Variants in ZDHHC14 observed in about 807,000 individuals in gnomAD.
ZDHHC14 encodes the protein palmitoyltransferase ZDHHC14.
A neutral mutation model predicts 47.7 loss-of-function variants in ZDHHC14; 16 were observed. The ratio of observed to expected loss-of-function variants is 0.34; its 90% CI spans 0.23 to 0.51. ZDHHC14 has a LOEUF of 0.51. Ranked by LOEUF, ZDHHC14 falls within the 20% of genes least tolerant of loss-of-function variation. The probability of loss-of-function intolerance (pLI) is 0.97; values close to 1 mark genes in which losing one functional copy is unlikely to be tolerated. For synonymous variants in ZDHHC14, 293 were observed against 278.9 expected (o/e 1.05, Z -0.50); for missense variants, 515 against 662.5 (o/e 0.78, Z 2.44).
At chr6:157,515,218 G>A (rs908863014) in intron 1 of ZDHHC14, among the ~76,000 whole-genome samples, 13 of 152,062 alleles carry the variant, frequency 8.5e-5, no homozygotes, top group Non-Finnish European at 2.9e-5. Flanking sequence ...GCATATCGCT[G>A]GTGACCAGAA....
chr6:157,639,659 A>G (rs957980201), intron 5 of ZDHHC14, among the ~76,000 whole-genome samples: 16 of 152,260 alleles, frequency 1.1e-4, no homozygotes, highest in African/African-American at 3.4e-4. Flanking sequence ...TTGCAGAGGA[A>G]AGGCCCCCAC....
In ZDHHC14 at chr6:157,579,329, C is replaced by T. The variant is rs932129319; in HGVS notation, c.407-13659C>T. ...TCTCCTGCCTCAGCCTCCGAAGCAG[C>T]TGGGACTACAGGTGCCTGCCACCAC... is the stretch of plus-strand genomic sequence containing the variant. On this transcript the variant is annotated intron_variant, in intron 2 of 8. Transcript: ENST00000359775. Among the ~76,000 whole-genome samples, 3 of 151,084 alleles carry T rather than the reference C, an allele frequency of 2.0e-5. No individual in the cohort carries two copies. In the Admixed American group the frequency reaches 2.0e-4, roughly 10 times the overall value.
chr6:157,422,602 T>C (rs184198958), intron 1 of ZDHHC14, among the ~76,000 whole-genome samples: 83 of 152,248 alleles, frequency 5.5e-4, no homozygotes, highest in African/African-American at 1.8e-3. Context: ...CATGGGCACT[T>C]GCTATGTGGC....
At chr6:157,670,755 T>TC (rs144615401) in intron 8 of ZDHHC14, among the ~76,000 whole-genome samples, 5,096 of 152,266 alleles carry the variant, frequency 0.033, 303 homozygotes, top group African/African-American at 0.12. Context: ...GCAAGGATCT[T>TC]CGTGAGACTT....
intron 1 of ZDHHC14, among the ~76,000 whole-genome samples, chr6:157,424,570 C>T (rs563749267): frequency 2.6e-5 from 4 of 152,248 alleles, no homozygotes; most frequent in African/African-American, 4.8e-5. Context: ...AGAGAGCAAA[C>T]GTGGTGCTTC....
chr6:157,638,732 T>C (rs1284038742), intron 5 of ZDHHC14, among the ~76,000 whole-genome samples: 1 of 152,224 alleles, frequency 6.6e-6, no homozygotes, highest in African/African-American at 2.4e-5. Flanking sequence ...TGCCCAGATC[T>C]GGGTTCTCAC....
At chr6:157,438,735 A>C (rs1010763212) in intron 1 of ZDHHC14, among the ~76,000 whole-genome samples, 2 of 152,236 alleles carry the variant, frequency 1.3e-5, no homozygotes, top group African/African-American at 4.8e-5. Context: ...TTGAAATCCG[A>C]AAGTCTGGAT....
chr6:157,622,089 C>A (rs1289219106), intron 3 of ZDHHC14, among the ~76,000 whole-genome samples: 1 of 151,874 alleles, frequency 6.6e-6, no homozygotes, highest in African/African-American at 2.4e-5. Flanking sequence ...ATATTCTTTT[C>A]GGCTGGGCAT....
chr6:157,472,831 C>T (rs1423081478), intron 1 of ZDHHC14, among the ~76,000 whole-genome samples: 1 of 152,128 alleles, frequency 6.6e-6, no homozygotes, highest in Non-Finnish European at 1.5e-5. Context: ...ATTTATTGAG[C>T]GAGGTGCAGA....
chr6:157,453,307 G>A (rs1399069998), intron 1 of ZDHHC14, among the ~76,000 whole-genome samples: 1 of 151,920 alleles, frequency 6.6e-6, no homozygotes, highest in Non-Finnish European at 1.5e-5. Context: ...CGAATGACAG[G>A]GTATCAATAC....
intron 7 of ZDHHC14, among the ~76,000 whole-genome samples, chr6:157,651,678 C>T (rs1359667435): frequency 2.6e-5 from 4 of 152,282 alleles, no homozygotes; most frequent in Non-Finnish European, 5.9e-5. Flanking sequence ...AAGTGATTCT[C>T]CTGCCTCAGC....
At chr6:157,616,490 C>A (rs1784968143) in intron 3 of ZDHHC14, among the ~76,000 whole-genome samples, 1 of 152,092 alleles carries the variant, frequency 6.6e-6, no homozygotes, top group Non-Finnish European at 1.5e-5. Flanking sequence ...ATGCCAGGCC[C>A]AAGGCTGGAG....
intron 2 of ZDHHC14, among the ~76,000 whole-genome samples, chr6:157,587,399 T>C (rs566576152): frequency 6.6e-6 from 1 of 152,306 alleles, no homozygotes; most frequent in Admixed American, 6.5e-5. Flanking sequence ...GGCCTCCCTC[T>C]TCTTAAGGCC....
At chr6:157,437,659 G>T (rs1436966459) in intron 1 of ZDHHC14, among the ~76,000 whole-genome samples, 1 of 152,158 alleles carries the variant, frequency 6.6e-6, no homozygotes, top group Non-Finnish European at 1.5e-5. Context: ...GACCTTTCCT[G>T]TCAGGGTAAA....
intron 4 of ZDHHC14, among the ~76,000 whole-genome samples, chr6:157,629,058 A>G (rs1161853395): frequency 6.6e-6 from 1 of 152,252 alleles, no homozygotes; most frequent in Admixed American, 6.5e-5. Context: ...CTAGAACATG[A>G]GCTAACTACC....
At chr6:157,551,352 A>G (rs1344414446) in intron 2 of ZDHHC14, among the ~76,000 whole-genome samples, 6 of 152,186 alleles carry the variant, frequency 3.9e-5, no homozygotes. Flanking sequence ...AGGCTCAGAG[A>G]CAGGTGTAAC....
At chr6:157,477,533 C>A (rs1779523472) in intron 1 of ZDHHC14, among the ~76,000 whole-genome samples, 1 of 152,192 alleles carries the variant, frequency 6.6e-6, no homozygotes, top group Non-Finnish European at 1.5e-5. Context: ...GTAGAAATGT[C>A]CTAAAACCAT....
intron 2 of ZDHHC14, among the ~76,000 whole-genome samples, chr6:157,551,239 C>G (rs1782218395): frequency 6.6e-6 from 1 of 152,170 alleles, no homozygotes; most frequent in African/African-American, 2.4e-5. Flanking sequence ...GGGGTGCTGG[C>G]CACTGCAGGG....
intron 1 of ZDHHC14, among the ~76,000 whole-genome samples, chr6:157,531,297 C>A (rs945670219): frequency 6.6e-6 from 1 of 152,130 alleles, no homozygotes; most frequent in East Asian, 1.9e-4. Flanking sequence ...CCCTGCCCCC[C>A]CCGGACATGC....
Sources: allele counts gnomAD v4.1 joint callset (sites outside exome capture counted in the v4.1 genomes callset), GRCh38; gene constraint gnomAD v4.1.1; transcripts MANE v1.5; gene names NCBI Gene and HGNC (gene_info 2026-07-23, HGNC 2026-07-21).